Variants in FANCL observed in about 807,000 individuals in gnomAD.
The protein encoded by FANCL is FA complementation group L, also known as E3 ubiquitin-protein ligase FANCL.
FANCL carries 69 observed loss-of-function variants against 59.4 expected under a neutral mutation model. The observed-to-expected ratio is 1.16, with a 90% confidence interval of 0.96 to 1.42. The LOEUF (loss-of-function observed/expected upper bound fraction) is 1.42, where lower values mean the gene tolerates loss of function less well. FANCL is among the 40% of genes most tolerant of loss of function. FANCL has a pLI of 0.00. For missense variants in FANCL, 519 were observed against 447.2 expected (o/e 1.16, Z -1.45); for synonymous variants, 180 against 147.1 (o/e 1.22, Z -1.62).
chr2:58,211,566 G>A (rs576121305), intron 5 of FANCL, among the ~76,000 whole-genome samples: 4 of 152,246 alleles, frequency 2.6e-5, no homozygotes, highest in African/African-American at 4.8e-5. Flanking sequence ...CTCAGAAAAC[G>A]GGATTTTCTT....
chr2:58,180,426 G>A (rs182623614), intron 7 of FANCL, among the ~76,000 whole-genome samples: 32 of 152,222 alleles, frequency 2.1e-4, no homozygotes, highest in African/African-American at 6.0e-4. Context: ...GCAGGGACAC[G>A]GATGAAGCTA....
intron 7 of FANCL, among the ~76,000 whole-genome samples, chr2:58,171,275 G>A (rs1686578915): frequency 6.6e-6 from 1 of 152,138 alleles, no homozygotes; most frequent in South Asian, 2.1e-4. Flanking sequence ...AATGACTACT[G>A]AGTAAATAAC....
intron 7 of FANCL, among the ~76,000 whole-genome samples, chr2:58,169,736 C>A (rs1169501168): frequency 6.6e-6 from 1 of 151,816 alleles, no homozygotes; most frequent in East Asian, 1.9e-4. Context: ...AAAAACACAG[C>A]ACGAGAACTT....
chr2:58,240,652 CAT>C (rs962775596), intron 1 of FANCL, among the ~76,000 whole-genome samples: 14 of 152,284 alleles, frequency 9.2e-5, no homozygotes, highest in African/African-American at 3.1e-4. Flanking sequence ...TAATAAACTC[CAT>C]ATGAGAGGCC....
chr2:58,219,839 G>A (rs1189306497), intron 5 of FANCL, among the ~76,000 whole-genome samples: 1 of 152,070 alleles, frequency 6.6e-6, no homozygotes, highest in Non-Finnish European at 1.5e-5. Flanking sequence ...GACTTTTCTA[G>A]CATCTGAAAC....
intron 4 of FANCL, among the ~76,000 whole-genome samples, chr2:58,226,067 C>A (rs748535670): frequency 2.0e-5 from 3 of 152,018 alleles, no homozygotes; most frequent in Non-Finnish European, 4.4e-5. Context: ...GGGATACATA[C>A]AATATCCAGA....
At chr2:58,202,583 G>T (rs1015072869) in intron 6 of FANCL, among the ~76,000 whole-genome samples, 63 of 149,418 alleles carry the variant, frequency 4.2e-4, no homozygotes, top group African/African-American at 1.4e-3. Context: ...CTTCTCTTTT[G>T]CAAGAATATC....
Position 58,163,450 on chromosome 2 carries a change from AAAG to A in FANCL, c.756_758del (p.Phe253del). The A allele has an allele frequency of 6.2e-7, 1 of 1,609,926 alleles. No homozygotes were observed. ...ATGTCATACCATGGTCAGCTCCAAGAAAGAAGCACTCAGGAAGCATAGTAGGAT... is the reference window on the plus strand; with the variant it reads ...ATGTCATACCATGGTCAGCTCCAAGAAAGCACTCAGGAAGCATAGTAGGAT... On this transcript the variant is annotated inframe_deletion, in exon 9 of 14. Transcript: ENST00000233741.
intron 7 of FANCL, among the ~76,000 whole-genome samples, chr2:58,174,627 A>G (rs527949191): frequency 1.3e-4 from 20 of 152,304 alleles, no homozygotes; most frequent in South Asian, 8.3e-4. Flanking sequence ...TCTCTGGGAC[A>G]CATTCAAAGC....
chr2:58,241,042 G>A (rs889863194), intron 1 of FANCL, among the ~76,000 whole-genome samples, 176 bp downstream of exon 1: 1 of 152,218 alleles, frequency 6.6e-6, no homozygotes, highest in African/African-American at 2.4e-5. Context: ...GGCGACCACC[G>A]GGGTGGCGGC....
At chr2:58,196,075 ATAG>A (rs1689393796) in intron 7 of FANCL, among the ~76,000 whole-genome samples, 1 of 152,140 alleles carries the variant, frequency 6.6e-6, no homozygotes. Flanking sequence ...TAAAATAAAT[ATAG>A]TAGACAAACA....
rs1388668974 is a variant in FANCL at position 58,241,268 on chromosome 2, G to T, written c.46C>A (p.Leu16Met). 1.9e-6 allele frequency: 3 copies of T among 1,614,150 alleles called. No individual in the cohort carries two copies. The highest frequency in any genetic ancestry group is 1.3e-5 in the African/African-American group (1 of 74,954). The change falls in exon 1 of 14, where the codon CTG becomes ATG. Residue 16 changes from leucine (L) to methionine (M), a missense_variant. Physicochemically the swap from Leu to Met is conservative, Grantham distance 15. Transcript: ENST00000233741. Reference sequence around the variant, plus strand: ...ACGGTTTTCGACCGGTTCTGGGGCAGAAGCAGGGGGCACTGGCGCAACAGG... The same window carrying T: ...ACGGTTTTCGACCGGTTCTGGGGCATAAGCAGGGGGCACTGGCGCAACAGG... ...ASLLRQCPLL[L>M]PQNRSKTVYE...
intron 1 of FANCL, among the ~76,000 whole-genome samples, chr2:58,237,386 G>T (rs1694117306): frequency 1.3e-5 from 2 of 151,956 alleles, no homozygotes; most frequent in Admixed American, 1.3e-4. Context: ...GATCAAAGAA[G>T]AAATTAAAAG....
intron 5 of FANCL, among the ~76,000 whole-genome samples, chr2:58,209,331 CTG>C (rs1362856420): frequency 2.6e-5 from 4 of 152,066 alleles, no homozygotes; most frequent in Admixed American, 6.6e-5. Flanking sequence ...TGAAAGCAAA[CTG>C]TTTTAATTAA....
intron 7 of FANCL, among the ~76,000 whole-genome samples, chr2:58,198,085 G>A (rs1340856163): frequency 1.3e-5 from 2 of 151,830 alleles, no homozygotes; most frequent in Non-Finnish European, 2.9e-5. Flanking sequence ...GTGGGTGTGA[G>A]TGGGTGTGTT....
At chr2:58,194,003 G>A (rs1558777760) in intron 7 of FANCL, among the ~76,000 whole-genome samples, 1 of 150,672 alleles carries the variant, frequency 6.6e-6, no homozygotes, top group African/African-American at 2.5e-5. Flanking sequence ...TATGTAATAG[G>A]ACTGACTCCT....
intron 5 of FANCL, among the ~76,000 whole-genome samples, chr2:58,205,989 G>C (rs1214435482): frequency 6.6e-6 from 1 of 152,014 alleles, no homozygotes; most frequent in African/African-American, 2.4e-5. Context: ...TAGAATCCAA[G>C]AATACGCAAT....
chr2:58,197,694 C>G (rs1689566614), intron 7 of FANCL, among the ~76,000 whole-genome samples: 1 of 152,138 alleles, frequency 6.6e-6, no homozygotes, highest in Non-Finnish European at 1.5e-5. Context: ...GTATTCTTTA[C>G]TCAAAATATT....
intron 7 of FANCL, among the ~76,000 whole-genome samples, chr2:58,197,364 T>C (rs750930860): frequency 6.6e-5 from 10 of 152,142 alleles, no homozygotes; most frequent in Non-Finnish European, 7.4e-5. Context: ...CAAAATTTTA[T>C]AGCCAAAATG....
Sources: gnomAD v4.1 joint callset for allele counts (sites outside exome capture counted in the v4.1 genomes callset) on GRCh38, gnomAD v4.1.1 for gene constraint, MANE v1.5 for transcripts, NCBI Gene and HGNC (gene_info 2026-07-23, HGNC 2026-07-21) for gene names.